Variants in CDH18 observed in about 807,000 individuals in gnomAD.
CDH18 encodes cadherin-18.
Under a neutral mutation model 67.9 loss-of-function variants are expected in CDH18, and 31 were observed. The observed-to-expected ratio is 0.46, with a 90% confidence interval of 0.34 to 0.62. The LOEUF is 0.62. CDH18 is among the 20% of genes least tolerant of loss of function. The pLI is 0.01. For missense variants in CDH18, 890 were observed against 975.5 expected (o/e 0.91, Z 1.17); for synonymous variants, 362 against 347.2 (o/e 1.04, Z -0.48).
At chr5:20,556,218 C>T (rs1187071283) in intron 1 of CDH18, among the ~76,000 whole-genome samples, 1 of 152,164 alleles carries the variant, frequency 6.6e-6, no homozygotes, top group Non-Finnish European at 1.5e-5. Context: ...AAATATGCCT[C>T]ATGCTGTCCT....
chr5:20,375,235 C>A (rs1306913694), intron 1 of CDH18, among the ~76,000 whole-genome samples: 1 of 152,144 alleles, frequency 6.6e-6, no homozygotes, highest in Non-Finnish European at 1.5e-5. Context: ...ACTCATTTAA[C>A]CATTCTCTTT....
chr5:20,370,991 C>A (rs1010982799), intron 1 of CDH18, among the ~76,000 whole-genome samples: 1 of 151,066 alleles, frequency 6.6e-6, no homozygotes. Flanking sequence ...GAGCTGAGAT[C>A]GCACCATTGC....
intron 1 of CDH18, among the ~76,000 whole-genome samples, chr5:20,386,107 T>A (rs1212692447): frequency 6.6e-6 from 1 of 152,198 alleles, no homozygotes; most frequent in Non-Finnish European, 1.5e-5. Flanking sequence ...CATGCATTCA[T>A]CCTCAAGGAA....
chr5:19,942,090 C>T (rs1447406464), intron 2 of CDH18, among the ~76,000 whole-genome samples: 1 of 151,952 alleles, frequency 6.6e-6, no homozygotes, highest in Non-Finnish European at 1.5e-5. Context: ...ACCTAAAGAG[C>T]AGATAAATAA....
intron 5 of CDH18, among the ~76,000 whole-genome samples, chr5:19,641,181 G>A (rs1211955436): frequency 6.8e-6 from 1 of 146,172 alleles, no homozygotes; most frequent in Non-Finnish European, 1.5e-5. Context: ...AATAACAAAT[G>A]AGGAAATTGA....
chr5:20,382,580 A>G (rs1462981832), intron 1 of CDH18, among the ~76,000 whole-genome samples: 1 of 152,166 alleles, frequency 6.6e-6, no homozygotes, highest in Non-Finnish European at 1.5e-5. Context: ...GAGTTTCTAT[A>G]GAAGGAAATG....
chr5:19,578,429 C>T (rs7704186), intron 7 of CDH18, among the ~76,000 whole-genome samples: 9,850 of 151,870 alleles, frequency 0.065, 352 homozygotes, highest in Non-Finnish European at 0.074. Context: ...AACCTTCCCT[C>T]GAAATCCTTC....
intron 5 of CDH18, among the ~76,000 whole-genome samples, chr5:19,630,331 T>C (rs992621147): frequency 6.6e-6 from 1 of 152,224 alleles, no homozygotes; most frequent in African/African-American, 2.4e-5. Flanking sequence ...TAGTTATCAA[T>C]GTGGCCCTTC....
At chr5:20,443,762 CTCTA>C (rs1444354521) in intron 1 of CDH18, among the ~76,000 whole-genome samples, 3 of 151,882 alleles carry the variant, frequency 2.0e-5, no homozygotes, top group Admixed American at 6.5e-5. Context: ...GTAATCATTT[CTCTA>C]TCTCTCATTG....
At chr5:20,488,673 T>TTATATA (rs34690857) in intron 1 of CDH18, among the ~76,000 whole-genome samples, 156 of 126,958 alleles carry the variant, frequency 1.2e-3, no homozygotes, top group South Asian at 2.6e-3. Context: ...GGGTAGTGTT[T>TTATATA]TATATATATA....
At chr5:20,437,461 A>T (rs1281957911) in intron 1 of CDH18, among the ~76,000 whole-genome samples, 1 of 151,438 alleles carries the variant, frequency 6.6e-6, no homozygotes. Flanking sequence ...AGAGTAATTA[A>T]TGTTCTTATG....
intron 2 of CDH18, among the ~76,000 whole-genome samples, chr5:20,009,561 A>G (rs1482371701): frequency 6.6e-6 from 1 of 152,138 alleles, no homozygotes. Context: ...GAGTTAATCT[A>G]TATAGAGAAC....
At chr5:20,153,684 T>C (rs1465406866) in intron 2 of CDH18, among the ~76,000 whole-genome samples, 1 of 152,196 alleles carries the variant, frequency 6.6e-6, no homozygotes, top group African/African-American at 2.4e-5. Context: ...CTTCCTGTCT[T>C]ACAGGTGAAT....
intron 1 of CDH18, among the ~76,000 whole-genome samples, chr5:20,529,469 A>T (rs931730213): frequency 3.9e-5 from 6 of 152,144 alleles, no homozygotes; most frequent in African/African-American, 1.4e-4. Context: ...TCCCTGATGA[A>T]CATCAATGCA....
intron 5 of CDH18, among the ~76,000 whole-genome samples, chr5:19,642,328 T>C (rs1754125490): frequency 6.6e-6 from 1 of 151,616 alleles, no homozygotes; most frequent in Non-Finnish European, 1.5e-5. Flanking sequence ...GAAAAAAAAA[T>C]CCTAAAATTC....
intron 1 of CDH18, among the ~76,000 whole-genome samples, chr5:20,531,069 G>A (rs1449567414): frequency 2.0e-5 from 3 of 152,066 alleles, no homozygotes; most frequent in African/African-American, 7.3e-5. Flanking sequence ...CCATTAAAAA[G>A]TGGGCAAAGG....
At chr5:19,964,174 C>T (rs1797197286) in intron 2 of CDH18, among the ~76,000 whole-genome samples, 1 of 151,998 alleles carries the variant, frequency 6.6e-6, no homozygotes, top group African/African-American at 2.4e-5. Context: ...AAAACTAGAA[C>T]ATGATATAAA....
intron 1 of CDH18, among the ~76,000 whole-genome samples, chr5:20,394,051 A>G (rs910508168): frequency 6.6e-6 from 1 of 152,096 alleles, no homozygotes. Context: ...AAAGAATTAG[A>G]GAAAATAATC....
chr5:20,338,420 T>C (rs1739966648), intron 1 of CDH18, among the ~76,000 whole-genome samples: 1 of 152,184 alleles, frequency 6.6e-6, no homozygotes, highest in South Asian at 2.1e-4. Flanking sequence ...TTGGGGAGCT[T>C]CATCAACCCT....
Sources: gnomAD v4.1 joint callset for allele counts (sites outside exome capture counted in the v4.1 genomes callset) on GRCh38, gnomAD v4.1.1 for gene constraint, MANE v1.5 for transcripts, NCBI Gene and HGNC (gene_info 2026-07-23, HGNC 2026-07-21) for gene names.